ITPR3: variants seen among roughly 807,000 people sequenced by gnomAD.
ITPR3 encodes the protein inositol 1,4,5-trisphosphate-gated calcium channel ITPR3.
ITPR3 carries 173 observed loss-of-function variants against 293.2 expected under a neutral mutation model. The ratio of observed to expected loss-of-function variants is 0.59; its 90% CI spans 0.52 to 0.67. The LOEUF (loss-of-function observed/expected upper bound fraction) is 0.67. Among genes scored for constraint, ITPR3 ranks in the 30% least tolerant of loss-of-function variants. The pLI, the probability that ITPR3 is intolerant of heterozygous loss-of-function variation, is 0.00. For missense variants in ITPR3, 2,796 were observed against 3,592.1 expected, an observed-to-expected ratio of 0.78 and a Z score of 5.66; for synonymous variants, 1,295 against 1,444.4, an observed-to-expected ratio of 0.90 and a Z score of 2.35.
At chr6:33,668,334 A>G (rs867355845) in intron 16 of ITPR3, among the ~76,000 whole-genome samples, 181 bp from the exon 17 acceptor site, 19 of 152,286 alleles carry the variant, frequency 1.2e-4, no homozygotes, top group African/African-American at 3.6e-4. Flanking sequence ...CCCCAGGGTG[A>G]TGCCCTGGGG....
Position 33,688,042 on chromosome 6 carries a change from C to G in ITPR3, c.6265-15C>G, listed in dbSNP as rs200020847. ...GGAGGCTGGGGCCTGACCTCCGCGC[C>G]CTCCCCACCTCCAGCTCAGCCTCAA... is the stretch of plus-strand genomic sequence containing the variant. On this transcript the variant is annotated splice_polypyrimidine_tract_variant and intron_variant, in intron 46 of 57. Coordinates refer to ENST00000605930, the MANE Select transcript of ITPR3 (RefSeq NM_002224.4). 24 of 1,607,446 alleles carry G rather than the reference C, an allele frequency of 1.5e-5. No individual in the cohort carries two copies. In the East Asian group the frequency reaches 5.4e-4, roughly 36 times the overall value.
Position 33,632,030 on chromosome 6 carries a change from ATTTTT to A in ITPR3, c.90-8450_90-8446del, listed in dbSNP as rs1194800638. On this transcript the variant is annotated intron_variant, in intron 1 of 57. Transcript: ENST00000605930. This position sits in a 1 kb window ranked among gnomAD's most constrained non-coding sequence, Gnocchi z 4.1. ...TTTGTATTATGACTATTCTTATTCT[ATTTTT>A]TTTATTATACTGAAACAGTTTGTGC... is the stretch of plus-strand genomic sequence containing the variant. Among the ~76,000 whole-genome samples the A allele has an allele frequency of 6.6e-6, 1 of 151,990 alleles. No homozygotes were observed. The highest frequency in any genetic ancestry group is 1.5e-5 in the Non-Finnish European group (1 of 67,994).
chr6:33,679,950 C>T lies in ITPR3; in HGVS notation c.4041C>T (p.Asp1347=). 6.2e-7 allele frequency: 1 copy of T among 1,613,890 alleles called. No individual in the cohort carries two copies. Among genetic ancestry groups the T allele is most frequent in the Non-Finnish European group, 8.5e-7 (1 of 1,180,024 alleles). ...NDKASLAHLL[D]MMKAARDGVE... is the part of the protein sequence containing the mutation. ...AGGCATCGCTGGCCCACCTGCTGGA[C>T]ATGATGAAGGCCGCCCGCGACGGCG... Residue 1347 remains aspartate, a synonymous_variant, in exon 31 of 58, where the codon GAC becomes GAT. Transcript: ENST00000605930. This position sits in a 1 kb window ranked among gnomAD's most constrained non-coding sequence, Gnocchi z 4.2.
intron 2 of ITPR3, among the ~76,000 whole-genome samples, chr6:33,641,797 A>G (rs1054778629): frequency 6.6e-6 from 1 of 151,858 alleles, no homozygotes; most frequent in Non-Finnish European, 1.5e-5. Flanking sequence ...TTCTCCAAAT[A>G]TCCACGCAGC....
chr6:33,671,399 G>T (rs1764762060), intron 21 of ITPR3, 93 bp downstream of exon 21: 1 of 854,230 alleles, frequency 1.2e-6, no homozygotes, highest in South Asian at 1.7e-5. Context: ...CCCCAGCCCC[G>T]CATTCCCCCC....
At chr6:33,641,942 T>G (rs954329724) in intron 2 of ITPR3, among the ~76,000 whole-genome samples, 2 of 152,116 alleles carry the variant, frequency 1.3e-5, no homozygotes, top group Non-Finnish European at 1.5e-5. Context: ...CTGTGCTCAG[T>G]GTATTTTATT....
Position 33,621,910 on chromosome 6 carries a change from C to T in ITPR3, c.89+219C>T, listed in dbSNP as rs1276661622. 6.6e-6 allele frequency among the ~76,000 whole-genome samples: 1 copy of T among 152,300 alleles called. No individual in the cohort carries two copies. The highest frequency in any genetic ancestry group is 1.9e-4 in the East Asian group (1 of 5,174). ...CTACTGGAGTTGGCAGGAGGAGCCT[C>T]CCTCGGCGGCGCAGCCTCTACCCTC... is the stretch of plus-strand genomic sequence containing the variant. On this transcript the variant is annotated intron_variant, in intron 1 of 57. Transcript: ENST00000605930. The surrounding 1 kb of genome is among the most constrained non-coding windows in gnomAD (Gnocchi z 7.7).
chr6:33,690,962 AAG>A lies in ITPR3; in HGVS notation c.7081_7082del (p.Ser2361CysfsTer33), dbSNP rs751336575. 1.2e-6 allele frequency: 2 copies of A among 1,614,142 alleles called. No homozygotes were observed. Among genetic ancestry groups the A allele is most frequent in the Non-Finnish European group, 1.7e-6 (2 of 1,180,018 alleles). ...YREETLFNVI[K>X]SVTRNGRSIL... ...CGAGGAGACGCTGTTCAACGTCATC[AAG>A]AGTGTGACCCGCAATGGCCGCTCCA... On this transcript the variant is annotated frameshift_variant, in exon 52 of 58. Transcript: ENST00000605930. LOFTEE classifies it high-confidence loss of function.
chr6:33,689,191 C>T (rs750919348), intron 49 of ITPR3, 47 bp from the exon 50 acceptor site: 7 of 1,594,880 alleles, frequency 4.4e-6, no homozygotes, highest in African/African-American at 1.3e-5. Context: ...GCTCTGGGGC[C>T]GTGGTGGGCT....
Position 33,666,229 on chromosome 6 carries a change from C to T in ITPR3, c.1551+253C>T, listed in dbSNP as rs532657707. 4.0e-5 allele frequency among the ~76,000 whole-genome samples: 6 copies of T among 151,638 alleles called. No individual in the cohort carries two copies. The highest frequency in any genetic ancestry group is 2.6e-4 in the Admixed American group (4 of 15,264). The stretch of plus-strand genomic sequence containing the variant: ...AGGCCAGAGTCGCTGTCCCAGGGCT[C>T]ACAGCTAGGAAGCGGCAGCCAGGAT... On this transcript the variant is annotated intron_variant, in intron 14 of 57. Transcript: ENST00000605930. The surrounding 1 kb of genome is among the most constrained non-coding windows in gnomAD (Gnocchi z 5.1).
At position 33,684,082 on chromosome 6, in the gene ITPR3, G is replaced by C. The variant is rs754763800; in HGVS notation, c.4851G>C (p.Leu1617=). 6.2e-7 allele frequency: 1 copy of C among 1,611,724 alleles called. No individual in the cohort carries two copies. Among genetic ancestry groups the C allele is most frequent in the Non-Finnish European group, 8.5e-7 (1 of 1,179,986 alleles). ...KPLVQAELSV[L]VDVLHWPELL... ...TGGTACAGGCTGAGCTGTCCGTGCT[G>C]GTGGATGTCCTGCACTGGCCTGAGC... The change falls in exon 36 of 58, where the codon CTG becomes CTC. Residue 1617 remains leucine, a synonymous_variant. Coordinates refer to ENST00000605930, the MANE Select transcript of ITPR3 (RefSeq NM_002224.4). This position sits in a 1 kb window ranked among gnomAD's most constrained non-coding sequence, Gnocchi z 4.2.
rs531312006 is a variant in ITPR3 at position 33,622,285 on chromosome 6, C to G, written c.89+594C>G. Among the ~76,000 whole-genome samples the G allele has an allele frequency of 2.6e-3, 389 of 152,292 alleles. 4 individuals carry two copies. The highest frequency in any genetic ancestry group is 8.7e-3 in the African/African-American group (360 of 41,558). On this transcript the variant is annotated intron_variant, in intron 1 of 57. Transcript: ENST00000605930. The stretch of plus-strand genomic sequence containing the variant: ...GCCTCTCCCATTCAATTTCCTGCGC[C>G]GGTCATCTGGCGCCCTTGGGTCCTT...
intron 33 of ITPR3, 117 bp downstream of exon 33, chr6:33,680,797 G>C: frequency 8.2e-7 from 1 of 1,215,822 alleles, no homozygotes; most frequent in Non-Finnish European, 1.1e-6. Context: ...AGTAACAAAA[G>C]GATACATAAG....
intron 18 of ITPR3, among the ~76,000 whole-genome samples, chr6:33,669,805 A>G (rs1437198530): frequency 6.6e-6 from 1 of 152,238 alleles, no homozygotes; most frequent in African/African-American, 2.4e-5. Flanking sequence ...TTACACAGCC[A>G]TCAGTAGAGA....
intron 1 of ITPR3, among the ~76,000 whole-genome samples, chr6:33,631,015 G>C (rs972648368): frequency 6.6e-6 from 1 of 152,208 alleles, no homozygotes; most frequent in African/African-American, 2.4e-5. Flanking sequence ...ATTCCGCCTA[G>C]TAGGTGTGAC....
intron 1 of ITPR3, 21 bp from the exon 2 acceptor site, chr6:33,640,463 C>T (rs1333364188): frequency 1.2e-5 from 20 of 1,610,520 alleles, no homozygotes; most frequent in Non-Finnish European, 1.5e-5. Context: ...CTCCTGCTGA[C>T]CGAGCTGCTT....
chr6:33,680,818 A>ATATTT, intron 33 of ITPR3, 138 bp downstream of exon 33: 1 of 837,654 alleles, frequency 1.2e-6, no homozygotes, highest in Non-Finnish European at 1.7e-6. Context: ...TGTATTGGTT[A>ATATTT]TCTTTTTTTT....
rs548084731 is a variant in ITPR3, at chr6:33,664,909, G to C, written c.1188G>C (p.Thr396=). 6.2e-7 allele frequency: 1 copy of C among 1,613,704 alleles called. No homozygotes were observed. Among genetic ancestry groups the C allele is most frequent in the Non-Finnish European group, 8.5e-7 (1 of 1,179,860 alleles). ...YVRLRHLCTN[T]WIQSTNVPID... ...GGCTGCGGCACCTCTGCACCAACAC[G>C]TGGATTCAGAGCACCAATGTGCCCA... The change falls in exon 12 of 58, where the codon ACG becomes ACC. Residue 396 remains threonine, a synonymous_variant. Coordinates refer to ENST00000605930, the MANE Select transcript of ITPR3 (RefSeq NM_002224.4). The surrounding 1 kb of genome is among the most constrained non-coding windows in gnomAD (Gnocchi z 4.4).
rs1473831973 is a variant in ITPR3, at chr6:33,670,674, T to C, written c.2445T>C (p.Tyr815=). The change falls in exon 20 of 58, where the codon TAT becomes TAC. Residue 815 remains tyrosine (Y), a synonymous_variant. Coordinates refer to ENST00000605930, the MANE Select transcript of ITPR3 (RefSeq NM_002224.4). This position sits in a 1 kb window ranked among gnomAD's most constrained non-coding sequence, Gnocchi z 6.7. ...EIPTAITIKD[Y]DSNLNASRDD... is the part of the protein sequence containing the mutation. Reference sequence around the variant, plus strand: ...GCCTCATGGCCTCCACCCTCAGCTATGATTCCAACCTCAACGCGTCCCGAG... The same window carrying C: ...GCCTCATGGCCTCCACCCTCAGCTACGATTCCAACCTCAACGCGTCCCGAG... The C allele has an allele frequency of 1.2e-6, 2 of 1,614,022 alleles. No homozygotes were observed. Among genetic ancestry groups the C allele is most frequent in the Non-Finnish European group, 1.7e-6 (2 of 1,180,012 alleles).
Sources: gnomAD v4.1 joint callset for allele counts (sites outside exome capture counted in the v4.1 genomes callset) on GRCh38, gnomAD v4.1.1 for gene constraint, Gnocchi (gnomAD v3.1) non-coding constraint, MANE v1.5 for transcripts, NCBI Gene and HGNC (gene_info 2026-07-23, HGNC 2026-07-21) for gene names.